The following CSMD2 variants were observed in gnomAD, a reference collection of about 807,000 sequenced individuals.
The protein encoded by CSMD2 is CUB and Sushi multiple domains 2.
Under a neutral mutation model 398.5 loss-of-function variants are expected in CSMD2, and 130 were observed. That is an observed-to-expected ratio of 0.33 (90% CI 0.28 to 0.38). The LOEUF (loss-of-function observed/expected upper bound fraction) is 0.38. Ranked by LOEUF, CSMD2 falls within the 10% of genes least tolerant of loss-of-function variation. CSMD2 has a pLI of 1.00. For missense variants in CSMD2, 3,829 were observed against 4,764.9 expected (o/e 0.80, Z 5.78); for synonymous variants, 1,828 against 1,908.5 (o/e 0.96, Z 1.10).
chr1:33,997,260 G>T (rs915942837), intron 3 of CSMD2, among the ~76,000 whole-genome samples: 1 of 152,172 alleles, frequency 6.6e-6, no homozygotes, highest in African/African-American at 2.4e-5. Flanking sequence ...GGCAGATTTG[G>T]CCCCAGTGGA....
intron 57 of CSMD2, among the ~76,000 whole-genome samples, chr1:33,543,515 T>C (rs764233407): frequency 1.4e-4 from 22 of 152,250 alleles, no homozygotes; most frequent in Non-Finnish European, 3.2e-4. Context: ...CCTATTGCAT[T>C]GGATAAGAAG....
chr1:33,698,608 C>T (rs1379074012), intron 24 of CSMD2, 145 bp downstream of exon 24: 3 of 658,618 alleles, frequency 4.6e-6, no homozygotes, highest in East Asian at 5.6e-5. Context: ...TGCAGGTGAA[C>T]CATGATGCCT....
chr1:33,679,517 G>A (rs1481793818), intron 25 of CSMD2, among the ~76,000 whole-genome samples: 3 of 152,166 alleles, frequency 2.0e-5, no homozygotes, highest in African/African-American at 7.2e-5. Context: ...CTAGTTCTGA[G>A]AGAGCTAACT....
chr1:34,064,843 G>A (rs140286161), intron 2 of CSMD2, among the ~76,000 whole-genome samples: 1,914 of 152,226 alleles, frequency 0.013, 44 homozygotes, highest in African/African-American at 0.044. Flanking sequence ...GGCGGGGGAG[G>A]CCTCAGAGTC....
intron 2 of CSMD2, among the ~76,000 whole-genome samples, chr1:34,075,167 G>A (rs1006844884): frequency 1.3e-5 from 2 of 152,184 alleles, no homozygotes; most frequent in African/African-American, 2.4e-5. Flanking sequence ...CATAATAGCC[G>A]TTCAGTGTCC....
intron 6 of CSMD2, among the ~76,000 whole-genome samples, chr1:33,833,785 A>T (rs1040330145): frequency 1.4e-4 from 22 of 152,318 alleles, no homozygotes; most frequent in Middle Eastern, 3.4e-3. Flanking sequence ...CCTTAAGCTG[A>T]TAAGGAACTT....
Position 33,519,704 on chromosome 1 carries a change from G to A in CSMD2, c.10737-27C>T, listed in dbSNP as rs770802057. Reference sequence around the variant, plus strand: ...TGGCGATAAAAGAGGAAGTGCCCACGGCATGAAAAGAGCGACACAGAGAGG... The same window carrying A: ...TGGCGATAAAAGAGGAAGTGCCCACAGCATGAAAAGAGCGACACAGAGAGG... On this transcript the variant is annotated intron_variant, in intron 69 of 70. Coordinates refer to ENST00000373381, the MANE Select transcript of CSMD2 (RefSeq NM_001281956.2). The surrounding 1 kb of genome is among the most constrained non-coding windows in gnomAD (Gnocchi z 5.6). 55 of 1,613,790 alleles carry A rather than the reference G, an allele frequency of 3.4e-5. No homozygotes were observed. Among genetic ancestry groups the A allele is most frequent in the East Asian group, 6.7e-5 (3 of 44,882 alleles).
At chr1:33,847,749 G>C (rs1638375263) in intron 5 of CSMD2, among the ~76,000 whole-genome samples, 1 of 152,092 alleles carries the variant, frequency 6.6e-6, no homozygotes, top group Non-Finnish European at 1.5e-5. Flanking sequence ...AGCTCTGGAG[G>C]GATCAGCTGT....
intron 3 of CSMD2, among the ~76,000 whole-genome samples, chr1:34,005,706 G>T (rs1253804881): frequency 6.6e-6 from 1 of 152,176 alleles, no homozygotes; most frequent in Non-Finnish European, 1.5e-5. Flanking sequence ...CTGGAACCTT[G>T]TCAGATTCTG....
intron 4 of CSMD2, among the ~76,000 whole-genome samples, chr1:33,933,922 A>G (rs1644387500): frequency 6.6e-6 from 1 of 152,024 alleles, no homozygotes; most frequent in South Asian, 2.1e-4. Flanking sequence ...ACTCAGATTG[A>G]TTGGCTGTGG....
In CSMD2 at chr1:33,571,542, G is replaced by A. The variant is rs1163762011; in HGVS notation, c.7947C>T (p.Pro2649=). 2.7e-6 allele frequency: 4 copies of A among 1,469,312 alleles called. No individual in the cohort carries two copies. Among genetic ancestry groups the A allele is most frequent in the African/African-American group, 2.8e-5 (2 of 71,766 alleles). The allele number at this position is 1,469,312 out of a possible 1,614,324, so 91.0% of individuals were successfully genotyped here. Residue 2649 remains proline, a synonymous_variant, in exon 51 of 71, where the codon CCC becomes CCT. Transcript: ENST00000373381. ...CCTTCCTGGGCTTACTTCGGCAGGTGGGCGTAGAGTCCCCGAGGCTCCATT... is the reference window on the plus strand; with the variant it reads ...CCTTCCTGGGCTTACTTCGGCAGGTAGGCGTAGAGTCCCCGAGGCTCCATT... ...NGKWSLGDST[P]TCRIISCGEL... is the part of the protein sequence containing the mutation.
chr1:33,659,838 G>A (rs976590659), intron 26 of CSMD2, among the ~76,000 whole-genome samples: 1 of 152,214 alleles, frequency 6.6e-6, no homozygotes, highest in African/African-American at 2.4e-5. Flanking sequence ...ATGGCCCACG[G>A]CCATATCTGG....
chr1:34,147,379 C>T (rs553462796), intron 1 of CSMD2, among the ~76,000 whole-genome samples: 171 of 152,156 alleles, frequency 1.1e-3, no homozygotes, highest in Non-Finnish European at 1.9e-3. Flanking sequence ...CAGTGTCAGA[C>T]GCTGAAGAGG....
chr1:34,031,765 C>CAAAAAAAAAAA (rs556094322), intron 3 of CSMD2, among the ~76,000 whole-genome samples: 3 of 71,252 alleles, frequency 4.2e-5, no homozygotes, highest in African/African-American at 5.5e-5. Flanking sequence ...AAGGCAAAGG[C>CAAAAAAAAAAA]AAAAAAAAAA....
chr1:33,806,900 ATATCT>A (rs1656292501), intron 10 of CSMD2, among the ~76,000 whole-genome samples: 1 of 152,216 alleles, frequency 6.6e-6, no homozygotes, highest in Non-Finnish European at 1.5e-5. Context: ...AAAGATGAAC[ATATCT>A]TGTCAGTCTT....
At chr1:34,133,293 T>G (rs1205403590) in intron 1 of CSMD2, among the ~76,000 whole-genome samples, 1 of 152,168 alleles carries the variant, frequency 6.6e-6, no homozygotes, top group Non-Finnish European at 1.5e-5. Context: ...GTTGTCTGAA[T>G]AATAGAAAAG....
intron 10 of CSMD2, among the ~76,000 whole-genome samples, chr1:33,799,365 T>A (rs201504515): frequency 6.6e-6 from 1 of 152,194 alleles, no homozygotes; most frequent in Non-Finnish European, 1.5e-5. Context: ...CAGGGTTCCA[T>A]AAAGGTACTC....
chr1:33,772,244 G>C, intron 13 of CSMD2: 1 of 219,590 alleles, frequency 4.6e-6, no homozygotes, highest in Admixed American at 5.5e-5. Flanking sequence ...TGGCAATGAC[G>C]GTGAGCAGGA....
Position 33,525,088 on chromosome 1 carries a change from T to C in CSMD2, c.10235-45A>G, listed in dbSNP as rs764567067. On this transcript the variant is annotated intron_variant, in intron 65 of 70. Coordinates refer to ENST00000373381, the MANE Select transcript of CSMD2 (RefSeq NM_001281956.2). ...GATGTGAGAGGGACTTTGTGTGTGC[T>C]GCCAGAATTGGGGTAGCCTGATGAC... 3.1e-6 allele frequency: 5 copies of C among 1,603,064 alleles called. No individual in the cohort carries two copies. The South Asian group carries it at 5.5e-5, about 18-fold the overall frequency.
Sources: allele counts gnomAD v4.1 joint callset (sites outside exome capture counted in the v4.1 genomes callset), GRCh38; gene constraint gnomAD v4.1.1; non-coding constraint Gnocchi (gnomAD v3.1); transcripts MANE v1.5; gene names NCBI Gene and HGNC (gene_info 2026-07-23, HGNC 2026-07-21).